Variants in INF2 observed in about 807,000 individuals in gnomAD.
The protein encoded by INF2 is inverted formin-2.
In INF2, 43 loss-of-function variants were observed where a neutral mutation model predicts 123.5. The ratio of observed to expected loss-of-function variants is 0.35; its 90% CI spans 0.27 to 0.45. INF2 has a LOEUF of 0.45. Ranked by LOEUF, INF2 falls within the 20% of genes least tolerant of loss-of-function variation. INF2 has a pLI of 1.00. For missense variants in INF2, 1,453 were observed against 1,682.7 expected, an observed-to-expected ratio of 0.86 and a Z score of 2.39; for synonymous variants, 851 against 745.0, an observed-to-expected ratio of 1.14 and a Z score of -2.32.
At chr14:104,689,319 G>C (rs577888679), upstream of INF2, 5 of 923,436 alleles carry the variant, frequency 5.4e-6, no homozygotes, top group African/African-American at 8.9e-5. Flanking sequence ...GGAGGGCAGG[G>C]ACGGGGCGGA....
In INF2 at chr14:104,707,804, G is replaced by T; in HGVS notation, c.1537G>T (p.Gly513Cys). The stretch of plus-strand genomic sequence containing the variant: ...ACCCCTGCTGCCTGGTATGGGCTGG[G>T]GCCCTCCTCCACCCCCACCTCCACT... The part of the protein sequence containing the change: ...PPPLLPGMGW[G>C]PPPPPPPLLP... The change falls in exon 8 of 23, where the codon GGC becomes TGC. Residue 513 changes from glycine to cysteine, a missense_variant. By Grantham distance (159) the Gly-to-Cys change is radical (BLOSUM62 -3). Coordinates refer to ENST00000392634, the MANE Select transcript of INF2 (RefSeq NM_022489.4). The T allele has an allele frequency of 6.6e-7, 1 of 1,522,552 alleles. No homozygotes were observed. The highest frequency in any genetic ancestry group is 8.9e-7 in the Non-Finnish European group (1 of 1,123,304). 94.3% of individuals were successfully genotyped at this position (1,522,552 alleles called of 1,614,324 possible). A position where few individuals can be genotyped will look rare whatever the true frequency, so the allele number is the denominator to read the frequency against.
intron 15 of INF2, 29 bp downstream of exon 15, chr14:104,711,215 G>C: frequency 2.0e-6 from 3 of 1,527,412 alleles, no homozygotes; most frequent in African/African-American, 2.8e-5. Context: ...GGCATAATGG[G>C]AGGGCTTCAA....
At chr14:104,701,252 C>A in intron 1 of INF2, 105 bp from the exon 2 acceptor site, 1 of 1,285,788 alleles carries the variant, frequency 7.8e-7, no homozygotes, top group Non-Finnish European at 1.1e-6. Flanking sequence ...GCAGGAATTG[C>A]AGCAGAGAAA....
rs1179872106 is a variant in INF2, at chr14:104,722,449, C to G, written c.*3656C>G. On this transcript the variant is annotated 3_prime_UTR_variant, in exon 23 of 23. Coordinates refer to ENST00000392634, the MANE Select transcript of INF2 (RefSeq NM_022489.4). ...GGCCCCCCCCAGGCCTTGGCAGCAC[C>G]TCCTTGTCTGATGGGACTTTGTGGT... 3 of 152,308 alleles carry G rather than the reference C, an allele frequency of 2.0e-5. No homozygotes were observed. The highest frequency in any genetic ancestry group is 4.4e-5 in the Non-Finnish European group (3 of 68,104). The allele number at this position is 152,308 out of a possible 1,614,324, so 9.4% of individuals were successfully genotyped here.
chr14:104,716,584 G>T (rs530980604), intron 22 of INF2, among the ~76,000 whole-genome samples: 53 of 152,336 alleles, frequency 3.5e-4, no homozygotes, highest in African/African-American at 1.3e-3. Flanking sequence ...GCTCCACCTG[G>T]TTCCCTCCTG....
upstream of INF2, chr14:104,689,515 CCCCCCAGGCCCCG>C: frequency 2.3e-6 from 1 of 442,410 alleles, no homozygotes; most frequent in Non-Finnish European, 3.0e-6. Context: ...ACCCACCTCC[CCCCCCAGGCCCCG>C]CCCCCGGCCC....
At chr14:104,702,445 G>T (rs553490144) in intron 2 of INF2, among the ~76,000 whole-genome samples, 23 of 147,778 alleles carry the variant, frequency 1.6e-4, no homozygotes, top group Non-Finnish European at 3.1e-4. Context: ...CCCAAAGTTA[G>T]TCCCGGTCCC....
chr14:104,696,594 G>C (rs973182635), intron 1 of INF2, among the ~76,000 whole-genome samples: 4 of 152,218 alleles, frequency 2.6e-5, no homozygotes, highest in African/African-American at 9.7e-5. Context: ...GGGAATGGGG[G>C]TCATGGTAGG....
intron 2 of INF2, among the ~76,000 whole-genome samples, chr14:104,702,515 G>T (rs1889575987): frequency 1.3e-5 from 2 of 152,242 alleles, no homozygotes; most frequent in Non-Finnish European, 2.9e-5. Context: ...CGATGCTTGG[G>T]GACGAGCTAG....
intron 5 of INF2, chr14:104,704,359 T>C (rs1889676438): frequency 2.9e-6 from 1 of 340,626 alleles, no homozygotes; most frequent in Non-Finnish European, 5.4e-6. Flanking sequence ...AAAAACTACC[T>C]ACAGGGTACA....
chr14:104,699,612 C>T lies in INF2; in HGVS notation c.-9-1745C>T. ...TTGCGCATCTGGGTGAGTGGACGGCCACTGGGTGACCAAGAGGGCCGGGCC... is the reference window on the plus strand; with the variant it reads ...TTGCGCATCTGGGTGAGTGGACGGCTACTGGGTGACCAAGAGGGCCGGGCC... On this transcript the variant is annotated intron_variant, in intron 1 of 22. Transcript: ENST00000392634. The surrounding 1 kb of genome is among the most constrained non-coding windows in gnomAD (Gnocchi z 4.7). 1 of 981,654 alleles carries T rather than the reference C, an allele frequency of 1.0e-6. No homozygotes were observed. The highest frequency in any genetic ancestry group is 4.7e-5 in the South Asian group (1 of 21,122). 60.8% of individuals were successfully genotyped at this position (981,654 alleles called of 1,614,324 possible).
In INF2 at chr14:104,699,531, T is replaced by G. The variant is rs777589050; in HGVS notation, c.-9-1826T>G. ...GCAGCGATGAGAAGCCAGGGGAGCG[T>G]GAGGAGCAGCCCAGGACAGGGCCCA... is the stretch of plus-strand genomic sequence containing the variant. On this transcript the variant is annotated intron_variant, in intron 1 of 22. Coordinates refer to ENST00000392634, the MANE Select transcript of INF2 (RefSeq NM_022489.4). The surrounding 1 kb of genome is among the most constrained non-coding windows in gnomAD (Gnocchi z 4.7). 2.3e-4 allele frequency: 222 copies of G among 984,800 alleles called. No homozygotes were observed. The highest frequency in any genetic ancestry group is 2.6e-4 in the Non-Finnish European group (216 of 829,802). The allele number at this position is 984,800 out of a possible 1,614,324, so 61.0% of individuals were successfully genotyped here.
At chr14:104,709,090 A>G (rs971514577) in intron 10 of INF2, among the ~76,000 whole-genome samples, 191 bp from the exon 11 acceptor site, 6 of 152,134 alleles carry the variant, frequency 3.9e-5, no homozygotes, top group African/African-American at 1.4e-4. Flanking sequence ...CATGGAGGGT[A>G]GCGAGGGTGG....
At chr14:104,697,330 G>T (rs1889237826) in intron 1 of INF2, among the ~76,000 whole-genome samples, 1 of 152,230 alleles carries the variant, frequency 6.6e-6, no homozygotes, top group Non-Finnish European at 1.5e-5. Flanking sequence ...CGCGTGCTGG[G>T]ATTCAAGTCT....
chr14:104,707,955 G>T lies in INF2; in HGVS notation c.1688G>T (p.Arg563Leu), dbSNP rs1214038183. The T allele has an allele frequency of 1.9e-6, 3 of 1,598,668 alleles. No individual in the cohort carries two copies. The highest frequency in any genetic ancestry group is 2.5e-6 in the Non-Finnish European group (3 of 1,179,706). Reference protein sequence around the residue: ...SHRRVNPPTLRMKKLNWQKLP... With the variant: ...SHRRVNPPTLLMKKLNWQKLP... ...CGGCGGGTGAACCCACCCACACTGC[G>T]CATGAAGAAGCTGAACTGGCAGAAG... The change falls in exon 8 of 23, where the codon CGC (arginine) becomes CTC (leucine). Residue 563 changes from arginine to leucine, a missense_variant. By Grantham distance (102) the Arg-to-Leu change is moderately radical (BLOSUM62 -2). Transcript: ENST00000392634.
At chr14:104,693,972 C>T (rs539402313) in intron 1 of INF2, among the ~76,000 whole-genome samples, 1 of 152,364 alleles carries the variant, frequency 6.6e-6, no homozygotes, top group South Asian at 2.1e-4. Flanking sequence ...CCTGCCTCTG[C>T]TTCCACCTTG....
chr14:104,689,590 T>TGCCCCCC, upstream of INF2: 5 of 646,936 alleles, frequency 7.7e-6, no homozygotes, highest in Non-Finnish European at 9.3e-6. Context: ...CTCCTCTTCC[T>TGCCCCCC]CCCGCCCGCC....
intron 13 of INF2, among the ~76,000 whole-genome samples, chr14:104,710,515 G>A (rs565523047): frequency 1.1e-4 from 16 of 151,834 alleles, no homozygotes; most frequent in Middle Eastern, 6.8e-3. Flanking sequence ...ACTCGGGCAC[G>A]TGCACACACA....
At chr14:104,711,306 G>C (rs1477849155) in intron 15 of INF2, 120 bp downstream of exon 15, 2 of 884,098 alleles carry the variant, frequency 2.3e-6, no homozygotes, top group African/African-American at 3.3e-5. Flanking sequence ...CCCTGTCTCA[G>C]GGCTCCGTCT....
Sources: gnomAD v4.1 joint callset for allele counts (sites outside exome capture counted in the v4.1 genomes callset) on GRCh38, gnomAD v4.1.1 for gene constraint, Gnocchi (gnomAD v3.1) non-coding constraint, MANE v1.5 for transcripts, NCBI Gene and HGNC (gene_info 2026-07-23, HGNC 2026-07-21) for gene names.